The following BICD1 variants were observed in gnomAD, a reference collection of about 807,000 sequenced individuals.
BICD1 encodes the protein protein bicaudal D homolog 1.
In BICD1, 35 loss-of-function variants were observed where a neutral mutation model predicts 92.5. The ratio of observed to expected loss-of-function variants is 0.38; its 90% CI spans 0.29 to 0.50. BICD1 has a LOEUF of 0.50. Ranked by LOEUF, BICD1 falls within the 20% of genes least tolerant of loss-of-function variation. BICD1 has a pLI of 0.93. For missense variants in BICD1, 950 were observed against 1,189.8 expected (o/e 0.80, Z 2.97); for synonymous variants, 429 against 465.1 (o/e 0.92, Z 1.00).
At position 32,198,324 on chromosome 12, in the gene BICD1, ATCTATCT is replaced by A. The variant is rs72126802; in HGVS notation, c.214-17922_214-17916del. ...GGGGATGATTATGGGAATAATATGC[ATCTATCT>A]ATATATATATATATATATATATTCC... is the stretch of plus-strand genomic sequence containing the variant. On this transcript the variant is annotated intron_variant, in intron 1 of 9. Coordinates refer to ENST00000652176, the MANE Select transcript of BICD1 (RefSeq NM_001714.4). Among the ~76,000 whole-genome samples the A allele has an allele frequency of 1.2e-3, 69 of 57,864 alleles. 2 individuals carry two copies. The highest frequency in any genetic ancestry group is 0.016 in the Middle Eastern group (2 of 128). 38.0% of individuals were successfully genotyped at this position (57,864 alleles called of 152,430 possible).
At chr12:32,273,732 G>A (rs1565633869) in intron 2 of BICD1, among the ~76,000 whole-genome samples, 1 of 152,194 alleles carries the variant, frequency 6.6e-6, no homozygotes, top group Non-Finnish European at 1.5e-5. Flanking sequence ...CCTTAGTTCA[G>A]CTAAAACCGG....
At chr12:32,289,085 A>G (rs1157018380) in intron 2 of BICD1, among the ~76,000 whole-genome samples, 1 of 152,132 alleles carries the variant, frequency 6.6e-6, no homozygotes, top group African/African-American at 2.4e-5. Flanking sequence ...TGGCATGTCC[A>G]ATGGGATAGA....
At chr12:32,146,163 A>G (rs1420096916) in intron 1 of BICD1, among the ~76,000 whole-genome samples, 1 of 152,228 alleles carries the variant, frequency 6.6e-6, no homozygotes, top group African/African-American at 2.4e-5. Context: ...TTAAGTTGAC[A>G]GTTATTTATC....
Position 32,378,321 on chromosome 12 carries a change from G to A in BICD1, c.*694G>A, listed in dbSNP as rs1178735039. ...AGTAGCTCATTAACTGCTGGGTTTTGTTTTTGTATTTTTAACTAGAGTTCT... is the reference window on the plus strand; with the variant it reads ...AGTAGCTCATTAACTGCTGGGTTTTATTTTTGTATTTTTAACTAGAGTTCT... On this transcript the variant is annotated 3_prime_UTR_variant, in exon 10 of 10. Coordinates refer to ENST00000652176, the MANE Select transcript of BICD1 (RefSeq NM_001714.4). 1 of 152,150 alleles carries A rather than the reference G, an allele frequency of 6.6e-6. No individual in the cohort carries two copies. The allele number at this position is 152,150 out of a possible 1,614,324, so 9.4% of individuals were successfully genotyped here.
intron 2 of BICD1, among the ~76,000 whole-genome samples, chr12:32,278,636 G>T (rs974264741): frequency 6.6e-6 from 1 of 152,108 alleles, no homozygotes; most frequent in East Asian, 1.9e-4. Flanking sequence ...GGCGGATCAC[G>T]AGGTCAGGAG....
chr12:32,332,581 G>GAA, intron 5 of BICD1: 1 of 433,940 alleles, frequency 2.3e-6, no homozygotes, highest in Non-Finnish European at 3.1e-6. Flanking sequence ...CAGCCTCCTG[G>GAA]GGATGTCAGG....
chr12:32,116,042 A>C (rs1333820705), intron 1 of BICD1, among the ~76,000 whole-genome samples: 1 of 152,218 alleles, frequency 6.6e-6, no homozygotes, highest in Non-Finnish European at 1.5e-5. Context: ...GGTACAAAAG[A>C]GGAAAATGTT....
chr12:32,327,605 A>G lies in BICD1; in HGVS notation c.1150A>G (p.Ser384Gly), dbSNP rs1014205883. Reference sequence around the variant, plus strand: ...CAATGCCATGAGGGGCCTGCAAAGCAGCAAGGAGCTCAAGGCTGAGCTGGA... The same window carrying G: ...CAATGCCATGAGGGGCCTGCAAAGCGGCAAGGAGCTCAAGGCTGAGCTGGA... Reference protein sequence around the residue: ...HVNAMRGLQSSKELKAELDGE... With the variant: ...HVNAMRGLQSGKELKAELDGE... The change falls in exon 5 of 10, where the codon AGC becomes GGC. Residue 384 changes from serine to glycine, a missense_variant. Physicochemically the swap from Ser to Gly is moderately conservative, Grantham distance 56. Coordinates refer to ENST00000652176, the MANE Select transcript of BICD1 (RefSeq NM_001714.4). 2 of 1,614,156 alleles carry G rather than the reference A, an allele frequency of 1.2e-6. No homozygotes were observed. The highest frequency in any genetic ancestry group is 2.7e-5 in the African/African-American group (2 of 75,058).
chr12:32,114,500 GC>G (rs942062613), intron 1 of BICD1, among the ~76,000 whole-genome samples: 5 of 151,918 alleles, frequency 3.3e-5, no homozygotes, highest in African/African-American at 1.2e-4. Flanking sequence ...TCATGCCTCA[GC>G]CCCCAAGTAG....
chr12:32,208,756 G>A (rs1029979899), intron 1 of BICD1, among the ~76,000 whole-genome samples: 1 of 152,108 alleles, frequency 6.6e-6, no homozygotes, highest in Non-Finnish European at 1.5e-5. Flanking sequence ...GTTCTAACAT[G>A]TTTAGCTAGG....
chr12:32,158,099 T>C (rs564120615), intron 1 of BICD1, among the ~76,000 whole-genome samples: 37 of 147,690 alleles, frequency 2.5e-4, no homozygotes, highest in Non-Finnish European at 5.1e-4. Flanking sequence ...CTAGGGGTTT[T>C]TTTTTTCTTT....
At chr12:32,339,516 C>T in intron 8 of BICD1, 1 of 985,382 alleles carries the variant, frequency 1.0e-6, no homozygotes, top group Non-Finnish European at 1.2e-6. Context: ...TTGTAGATTG[C>T]AGGCCCCCCA....
Position 32,327,690 on chromosome 12 carries a change from G to A in BICD1, c.1235G>A (p.Gly412Asp), listed in dbSNP as rs565049897. 5.0e-6 allele frequency: 8 copies of A among 1,614,134 alleles called. No individual in the cohort carries two copies. The African/African-American group carries it at 9.3e-5, about 19-fold the overall frequency. The change falls in exon 5 of 10, where the codon GGT (glycine) becomes GAT (aspartate). Residue 412 changes from glycine (G) to aspartate (D), a missense_variant. By Grantham distance (94) the Gly-to-Asp change is moderately conservative (BLOSUM62 -1). This residue lies in a region of BICD1 where 246 missense variants were observed against 258.4 expected (regional missense o/e 0.95). Transcript: ENST00000652176. Reference protein sequence around the residue: ...EAHDYEVDINGLEILECKYRV... With the variant: ...EAHDYEVDINDLEILECKYRV... ...CATGACTATGAGGTGGACATCAATG[G>A]TTTAGAGATCCTTGAATGCAAATAC...
intron 1 of BICD1, among the ~76,000 whole-genome samples, chr12:32,211,568 G>A (rs546129962): frequency 4.7e-4 from 71 of 152,272 alleles, no homozygotes; most frequent in Admixed American, 1.3e-3. Flanking sequence ...TGCCAAGAGA[G>A]CATTGCCTGT....
chr12:32,125,291 C>T lies in BICD1; in HGVS notation c.213+17747C>T, dbSNP rs117496139. Among the ~76,000 whole-genome samples the T allele has an allele frequency of 9.1e-3, 1,390 of 151,976 alleles. 9 individuals are homozygous for T. The highest frequency in any genetic ancestry group is 0.013 in the Non-Finnish European group (908 of 68,030). On this transcript the variant is annotated intron_variant, in intron 1 of 9. Transcript: ENST00000652176. ...GTTGATCAGACCCTTGAATGTTGAG[C>T]TCTTTCCATACTAGACTTGAATATT...
chr12:32,271,218 CG>C (rs1233863427), intron 2 of BICD1, among the ~76,000 whole-genome samples: 2 of 152,202 alleles, frequency 1.3e-5, no homozygotes, highest in African/African-American at 4.8e-5. Flanking sequence ...GATGAGACTT[CG>C]CTCAGAGCTG....
intron 1 of BICD1, among the ~76,000 whole-genome samples, chr12:32,198,427 T>C (rs754796579): frequency 6.7e-6 from 1 of 148,176 alleles, no homozygotes; most frequent in Non-Finnish European, 1.5e-5. Flanking sequence ...GGGTCAGGGA[T>C]GAATGTTGCA....
chr12:32,111,724 C>T (rs559211583), intron 1 of BICD1, among the ~76,000 whole-genome samples: 1 of 152,042 alleles, frequency 6.6e-6, no homozygotes, highest in Non-Finnish European at 1.5e-5. Context: ...TCTCCTGCCT[C>T]AGCCTCCGGA....
chr12:32,362,643 A>G (rs1235950350), intron 8 of BICD1, among the ~76,000 whole-genome samples: 1 of 152,188 alleles, frequency 6.6e-6, no homozygotes, highest in Non-Finnish European at 1.5e-5. Context: ...TTCTAGAGGT[A>G]GCTGGTGTCA....
Sources: gnomAD v4.1 joint callset for allele counts (sites outside exome capture counted in the v4.1 genomes callset) on GRCh38, gnomAD v4.1.1 for gene constraint, gnomAD v4.1.1 regional missense constraint, MANE v1.5 for transcripts, NCBI Gene and HGNC (gene_info 2026-07-23, HGNC 2026-07-21) for gene names.